Variants in ST18 observed in about 807,000 individuals in gnomAD.
ST18 encodes ST18 C2H2C-type zinc finger transcription factor.
Under a neutral mutation model 110.0 loss-of-function variants are expected in ST18, and 50 were observed. The observed-to-expected ratio is 0.45, with a 90% CI of 0.36 to 0.58. The LOEUF (loss-of-function observed/expected upper bound fraction) is 0.58. Among genes scored for constraint, ST18 ranks in the 20% least tolerant of loss-of-function variants. The pLI, the probability that ST18 is intolerant of heterozygous loss-of-function variation, is 0.00. For missense variants in ST18, 1,306 were observed against 1,280.1 expected, an observed-to-expected ratio of 1.02 and a Z score of -0.31; for synonymous variants, 461 against 452.4, an observed-to-expected ratio of 1.02 and a Z score of -0.24.
intron 2 of ST18, among the ~76,000 whole-genome samples, chr8:52,281,349 T>C (rs1371940484): frequency 6.6e-6 from 1 of 151,884 alleles, no homozygotes; most frequent in Non-Finnish European, 1.5e-5. Context: ...CATAAATGAA[T>C]AGAAAGATAA....
chr8:52,164,188 T>A, intron 12 of ST18, 98 bp from the exon 13 acceptor site: 1 of 974,090 alleles, frequency 1.0e-6, no homozygotes, highest in Non-Finnish European at 1.6e-6. Context: ...CACTAAATGT[T>A]AAGTCATATT....
intron 16 of ST18, among the ~76,000 whole-genome samples, chr8:52,146,910 C>G (rs931674543): frequency 6.6e-6 from 1 of 152,176 alleles, no homozygotes; most frequent in Non-Finnish European, 1.5e-5. Context: ...ATGAATCACC[C>G]TGTTCAGATA....
At chr8:52,263,605 G>GTTTTTTTT (rs1198571205) in intron 2 of ST18, among the ~76,000 whole-genome samples, 2 of 124,932 alleles carry the variant, frequency 1.6e-5, no homozygotes, top group African/African-American at 3.1e-5. Flanking sequence ...TAGTTTTTTT[G>GTTTTTTTT]TTTTGTTTTT....
intron 8 of ST18, among the ~76,000 whole-genome samples, chr8:52,190,460 G>A (rs2074098995): frequency 6.6e-6 from 1 of 152,064 alleles, no homozygotes; most frequent in Non-Finnish European, 1.5e-5. Flanking sequence ...CCTGGGGGCC[G>A]ACAGTGGACT....
intron 2 of ST18, chr8:52,405,662 G>A (rs956678133): frequency 6.6e-6 from 1 of 152,166 alleles, no homozygotes; most frequent in Admixed American, 6.5e-5. Context: ...GCTGTTGGAA[G>A]GGCTAGTAGC....
chr8:52,259,927 A>AT (rs1021258989), intron 2 of ST18, among the ~76,000 whole-genome samples: 1 of 152,114 alleles, frequency 6.6e-6, no homozygotes, highest in Non-Finnish European at 1.5e-5. Flanking sequence ...ATCCTTTGTC[A>AT]TTTTTTATAA....
intron 2 of ST18, among the ~76,000 whole-genome samples, chr8:52,337,353 G>C (rs1812630437): frequency 6.6e-6 from 1 of 152,204 alleles, no homozygotes; most frequent in East Asian, 1.9e-4. Flanking sequence ...TTTGGCTTCA[G>C]TTTCATGTTC....
At chr8:52,196,007 C>T (rs1467190858) in intron 8 of ST18, among the ~76,000 whole-genome samples, 1 of 152,106 alleles carries the variant, frequency 6.6e-6, no homozygotes, top group African/African-American at 2.4e-5. Flanking sequence ...AATGTTCCCT[C>T]ATTTAGTATT....
At chr8:52,177,567 G>A (rs73679152) in intron 9 of ST18, among the ~76,000 whole-genome samples, 2,328 of 152,242 alleles carry the variant, frequency 0.015, 60 homozygotes, top group African/African-American at 0.051. Flanking sequence ...GAGGGCTGAA[G>A]GCAACTTAGA....
chr8:52,373,604 C>T (rs1249269030), intron 2 of ST18, among the ~76,000 whole-genome samples: 2 of 152,072 alleles, frequency 1.3e-5, no homozygotes, highest in Admixed American at 1.3e-4. Flanking sequence ...CTCCAATACC[C>T]CCACCCCAAA....
intron 2 of ST18, among the ~76,000 whole-genome samples, chr8:52,261,163 C>T (rs1364121793): frequency 6.6e-6 from 1 of 152,202 alleles, no homozygotes; most frequent in Non-Finnish European, 1.5e-5. Context: ...AAAGAGAAAA[C>T]TCACATAAAT....
intron 2 of ST18, among the ~76,000 whole-genome samples, chr8:52,383,554 T>G (rs1010353572): frequency 6.6e-6 from 1 of 151,500 alleles, no homozygotes; most frequent in Non-Finnish European, 1.5e-5. Context: ...GTTCAACCAA[T>G]TCTCCTGCCT....
In ST18 at chr8:52,158,996, T is replaced by C; in HGVS notation, c.1708A>G (p.Thr570Ala). The change falls in exon 15 of 26, where the codon ACC becomes GCC. Residue 570 changes from threonine to alanine, a missense_variant. Thr to Ala is a moderately conservative substitution (Grantham distance 58). Coordinates refer to ENST00000689386, the MANE Select transcript of ST18 (RefSeq NM_001352837.2). Reference sequence around the variant, plus strand: ...ATGGCAGCAGCTGCTGCTATGTGGGTGTCTTCACTACATTGACCGTAGCTA... The same window carrying C: ...ATGGCAGCAGCTGCTGCTATGTGGGCGTCTTCACTACATTGACCGTAGCTA... The part of the protein sequence containing the change: ...SYSYGQCSED[T>A]HIAAAAAILN... The C allele has an allele frequency of 6.2e-7, 1 of 1,614,094 alleles. No homozygotes were observed. Among genetic ancestry groups the C allele is most frequent in the Non-Finnish European group, 8.5e-7 (1 of 1,179,970 alleles).
chr8:52,375,734 C>G (rs1413971149), intron 2 of ST18, among the ~76,000 whole-genome samples: 1 of 152,186 alleles, frequency 6.6e-6, no homozygotes, highest in Non-Finnish European at 1.5e-5. Context: ...TTCTCCAGCA[C>G]TCCACACTCA....
chr8:52,131,835 T>C (rs2049731327), intron 22 of ST18, 123 bp downstream of exon 22: 2 of 763,006 alleles, frequency 2.6e-6, no homozygotes, highest in Admixed American at 2.8e-5. Context: ...AGACTTCATG[T>C]TATGACATCT....
intron 23 of ST18, 63 bp downstream of exon 23, chr8:52,125,989 C>A: frequency 7.7e-7 from 1 of 1,304,642 alleles, no homozygotes; most frequent in South Asian, 1.4e-5. Flanking sequence ...ACACACGGAA[C>A]GCTTTGGGGA....
intron 2 of ST18, among the ~76,000 whole-genome samples, chr8:52,389,448 C>T (rs1185432185): frequency 2.0e-5 from 3 of 152,170 alleles, no homozygotes; most frequent in Non-Finnish European, 4.4e-5. Flanking sequence ...CCGGAATGCA[C>T]GACCCCATCG....
At chr8:52,141,431 A>C (rs547209785) in intron 17 of ST18, among the ~76,000 whole-genome samples, 1 of 152,372 alleles carries the variant, frequency 6.6e-6, no homozygotes, top group South Asian at 2.1e-4. Flanking sequence ...GAGGTTGCAT[A>C]GTAAATATTA....
chr8:52,161,354 G>T (rs2061414259), intron 14 of ST18, 21 bp downstream of exon 14: 2 of 1,608,416 alleles, frequency 1.2e-6, no homozygotes, highest in Non-Finnish European at 8.5e-7. Flanking sequence ...TGGGGAAACG[G>T]CATTAGAGCT....
Sources: gnomAD v4.1 joint callset for allele counts (sites outside exome capture counted in the v4.1 genomes callset) on GRCh38, gnomAD v4.1.1 for gene constraint, MANE v1.5 for transcripts, NCBI Gene and HGNC (gene_info 2026-07-23, HGNC 2026-07-21) for gene names.